LRMDA: variants seen among roughly 807,000 people sequenced by gnomAD.
LRMDA encodes leucine-rich melanocyte differentiation-associated protein.
Under a neutral mutation model 29.8 loss-of-function variants are expected in LRMDA, and 18 were observed. The ratio of observed to expected loss-of-function variants is 0.60; its 90% confidence interval spans 0.42 to 0.90. The LOEUF (loss-of-function observed/expected upper bound fraction) is 0.90, where lower values mean the gene tolerates loss of function less well. LRMDA is among the 40% of genes least tolerant of loss of function. The pLI, the probability that LRMDA is intolerant of heterozygous loss-of-function variation, is 0.00. For missense variants in LRMDA, 273 were observed against 273.9 expected, an observed-to-expected ratio of 1.00 and a Z score of 0.02; for synonymous variants, 125 against 109.4, an observed-to-expected ratio of 1.14 and a Z score of -0.89.
Position 75,589,765 on chromosome 10 carries a change from A to AATATATATAT in LRMDA, c.131+151275_131+151284dup, listed in dbSNP as rs111822600. On this transcript the variant is annotated intron_variant, in intron 2 of 6. Coordinates refer to ENST00000611255, the MANE Select transcript of LRMDA (RefSeq NM_001305581.2). The stretch of plus-strand genomic sequence containing the variant: ...GGAGATAGAGACCCTGTCTAAAAAA[A>AATATATATAT]ATATATATATATAGAGAGAGAGAGA... Among the ~76,000 whole-genome samples, 4 of 144,888 alleles carry AATATATATAT rather than the reference A, an allele frequency of 2.8e-5. No homozygotes were observed. The East Asian group carries it at 8.2e-4, about 30-fold the overall frequency.
intron 2 of LRMDA, among the ~76,000 whole-genome samples, chr10:75,844,270 T>C (rs1346566533): frequency 6.6e-6 from 1 of 152,234 alleles, no homozygotes; most frequent in Non-Finnish European, 1.5e-5. Context: ...GTGGCTTTTC[T>C]TCCCCCTTTC....
intron 6 of LRMDA, among the ~76,000 whole-genome samples, chr10:76,482,233 A>G (rs1842739566): frequency 6.6e-6 from 1 of 151,954 alleles, no homozygotes; most frequent in African/African-American, 2.4e-5. Flanking sequence ...ACATACATTT[A>G]TAAGTATTTA....
At chr10:76,444,828 T>C (rs1234889396) in intron 6 of LRMDA, among the ~76,000 whole-genome samples, 1 of 152,170 alleles carries the variant, frequency 6.6e-6, no homozygotes, top group Non-Finnish European at 1.5e-5. Context: ...TATCTGTATG[T>C]GTACTATATG....
In LRMDA at chr10:75,529,557, C is replaced by G. The variant is rs143401589; in HGVS notation, c.131+91063C>G. 1.4e-4 allele frequency among the ~76,000 whole-genome samples: 22 copies of G among 152,252 alleles called. No homozygotes were observed. The East Asian group carries it at 4.3e-3, about 29-fold the overall frequency. ...GGCGAGGGAGATCCCAGAAGGCAGC[C>G]TGGAGTGCCATCAGCCTGGAGTGGT... is the stretch of plus-strand genomic sequence containing the variant. On this transcript the variant is annotated intron_variant, in intron 2 of 6. Coordinates refer to ENST00000611255, the MANE Select transcript of LRMDA (RefSeq NM_001305581.2).
rs954959462 is a variant in LRMDA at position 76,047,098 on chromosome 10, A to G, written c.259-66A>G. 1.4e-5 allele frequency: 22 copies of G among 1,572,466 alleles called. No homozygotes were observed. In the African/African-American group the frequency reaches 2.6e-4, roughly 18 times the overall value. ...CAGACTGGACTCATCAGCGCCTGTCAGTCATGGCCTATGCTCATTGCTAAG... is the reference window on the plus strand; with the variant it reads ...CAGACTGGACTCATCAGCGCCTGTCGGTCATGGCCTATGCTCATTGCTAAG... On this transcript the variant is annotated intron_variant, in intron 3 of 6. Transcript: ENST00000611255.
chr10:76,278,066 A>G (rs1418013453), intron 5 of LRMDA, among the ~76,000 whole-genome samples: 5 of 152,176 alleles, frequency 3.3e-5, no homozygotes, highest in Admixed American at 3.3e-4. Flanking sequence ...AAGAATGCCT[A>G]GATAAAGTTT....
At chr10:76,083,758 C>T (rs570940312) in intron 5 of LRMDA, among the ~76,000 whole-genome samples, 190 of 150,870 alleles carry the variant, frequency 1.3e-3, no homozygotes, top group African/African-American at 4.5e-3. Flanking sequence ...CACTTGAACC[C>T]GACAGGCGAA....
At chr10:75,974,724 A>G (rs945999206) in intron 2 of LRMDA, among the ~76,000 whole-genome samples, 5 of 152,202 alleles carry the variant, frequency 3.3e-5, no homozygotes, top group African/African-American at 1.2e-4. Context: ...TGGAACAGAG[A>G]TTCAAAAGGA....
At chr10:75,583,723 C>A (rs1052760155) in intron 2 of LRMDA, among the ~76,000 whole-genome samples, 1 of 152,126 alleles carries the variant, frequency 6.6e-6, no homozygotes, top group Non-Finnish European at 1.5e-5. Context: ...ATTGCTGTCA[C>A]CCATCCGTCA....
intron 2 of LRMDA, among the ~76,000 whole-genome samples, chr10:75,573,002 C>T (rs890818086): frequency 5.9e-5 from 9 of 152,226 alleles, no homozygotes; most frequent in South Asian, 4.1e-4. Context: ...TCATGGACTT[C>T]TAGCATCCAG....
chr10:75,792,257 GTGTTTGTT>G (rs71024564), intron 2 of LRMDA, among the ~76,000 whole-genome samples: 4 of 148,324 alleles, frequency 2.7e-5, no homozygotes, highest in African/African-American at 2.5e-5. Context: ...TGAGGTACTG[GTGTTTGTT>G]TGTTTGTTTG....
chr10:76,557,319 A>G lies in LRMDA; in HGVS notation c.*31A>G. 1 of 1,526,486 alleles carries G rather than the reference A, an allele frequency of 6.6e-7. No homozygotes were observed. Among genetic ancestry groups the G allele is most frequent in the Non-Finnish European group, 9.1e-7 (1 of 1,104,250 alleles). The allele number at this position is 1,526,486 out of a possible 1,614,324, so 94.6% of individuals were successfully genotyped here. A position where few individuals can be genotyped will look rare whatever the true frequency, so the allele number is the denominator to read the frequency against. On this transcript the variant is annotated 3_prime_UTR_variant, in exon 7 of 7. Transcript: ENST00000611255. ...ACTTCTGTATACCTTCACCCATTTC[A>G]TGAAAATAAAATCAAAAGGGAAATC...
At chr10:75,534,647 G>C (rs1839924599) in intron 2 of LRMDA, among the ~76,000 whole-genome samples, 1 of 152,196 alleles carries the variant, frequency 6.6e-6, no homozygotes, top group Non-Finnish European at 1.5e-5. Flanking sequence ...CCTCAGAATA[G>C]CATCTGAATT....
At chr10:75,690,640 T>C (rs1341654588) in intron 2 of LRMDA, among the ~76,000 whole-genome samples, 1 of 152,040 alleles carries the variant, frequency 6.6e-6, no homozygotes, top group East Asian at 1.9e-4. Context: ...TCAGTGTTTA[T>C]ACATAAATAT....
At chr10:76,066,537 G>GA (rs2132063597) in intron 5 of LRMDA, among the ~76,000 whole-genome samples, 1 of 152,196 alleles carries the variant, frequency 6.6e-6, no homozygotes, top group South Asian at 2.1e-4. Context: ...TTACTTCAGG[G>GA]AAAAAAGTCA....
chr10:75,551,260 C>A (rs1017019414), intron 2 of LRMDA, among the ~76,000 whole-genome samples: 2 of 151,404 alleles, frequency 1.3e-5, no homozygotes, highest in African/African-American at 4.9e-5. Flanking sequence ...TGTGGTTCAA[C>A]CTTACCAGGA....
intron 6 of LRMDA, among the ~76,000 whole-genome samples, chr10:76,518,822 A>AT (rs1229453257): frequency 6.6e-6 from 1 of 152,212 alleles, no homozygotes; most frequent in African/African-American, 2.4e-5. Flanking sequence ...TAACAAGCTG[A>AT]TTTTAATGGA....
chr10:76,389,018 A>G (rs975962995), intron 6 of LRMDA, among the ~76,000 whole-genome samples: 20 of 152,318 alleles, frequency 1.3e-4, no homozygotes, highest in African/African-American at 4.3e-4. Flanking sequence ...ACCCTGACAC[A>G]GGACAGGGAG....
At chr10:75,505,808 G>A (rs924192203) in intron 2 of LRMDA, among the ~76,000 whole-genome samples, 6 of 152,142 alleles carry the variant, frequency 3.9e-5, no homozygotes, top group Non-Finnish European at 8.8e-5. Context: ...ACCACATGGT[G>A]TAATGACAGC....
Sources: gnomAD v4.1 joint callset for allele counts (sites outside exome capture counted in the v4.1 genomes callset) on GRCh38, gnomAD v4.1.1 for gene constraint, MANE v1.5 for transcripts, NCBI Gene and HGNC (gene_info 2026-07-23, HGNC 2026-07-21) for gene names.